COL6A3: variants seen among roughly 807,000 people sequenced by gnomAD.
COL6A3 encodes collagen type VI alpha 3 chain.
Under a neutral mutation model 274.1 loss-of-function variants are expected in COL6A3, and 137 were observed. The ratio of observed to expected loss-of-function variants is 0.50; its 90% confidence interval spans 0.44 to 0.58. The LOEUF is 0.58. Ranked by LOEUF, COL6A3 falls within the 20% of genes least tolerant of loss-of-function variation. COL6A3 has a pLI of 0.00. For synonymous variants in COL6A3, 1,650 were observed against 1,650.6 expected, an observed-to-expected ratio of 1.00 and a Z score of 0.01; for missense variants, 3,950 against 4,124.9, an observed-to-expected ratio of 0.96 and a Z score of 1.16.
intron 29 of COL6A3, 98 bp from the exon 30 acceptor site, chr2:237,348,482 A>T: frequency 7.4e-7 from 1 of 1,345,794 alleles, no homozygotes; most frequent in Non-Finnish European, 1.1e-6. Context: ...TGAGTCATCA[A>T]ACGAAAACAC....
chr2:237,376,990 C>T lies in COL6A3; in HGVS notation c.2852G>A (p.Arg951Lys), dbSNP rs747657767. Residue 951 changes from arginine (R) to lysine (K), a missense_variant, in exon 7 of 44, where the codon AGG (arginine) becomes AAG (lysine). By Grantham distance (26) the Arg-to-Lys change is conservative. Coordinates refer to ENST00000295550, the MANE Select transcript of COL6A3 (RefSeq NM_004369.4). ...TGGCCCATCCACACGGTCAGATGAC[C>T]TTCCTGCGACCAGCAGCACCAGGAA... ...LQFLVLLVAG[R>K]SSDRVDGPAS... 6.2e-7 allele frequency: 1 copy of T among 1,614,232 alleles called. No individual in the cohort carries two copies. Among genetic ancestry groups the T allele is most frequent in the Non-Finnish European group, 8.5e-7 (1 of 1,180,036 alleles).
At chr2:237,412,925 C>T (rs1254860273) in intron 1 of COL6A3, among the ~76,000 whole-genome samples, 2 of 152,152 alleles carry the variant, frequency 1.3e-5, no homozygotes, top group Admixed American at 6.5e-5. Flanking sequence ...GGGTCTGCAC[C>T]GGCCTCGAAA....
rs2106344018 is a variant in COL6A3, at chr2:237,361,590, C to T, written c.6156+149G>A. ...CCAGCAGAACAGCACGCAGGTCTGC[C>T]CCTCAGAGCTCCTCCTTCTAACATA... On this transcript the variant is annotated intron_variant, in intron 15 of 43. Coordinates refer to ENST00000295550, the MANE Select transcript of COL6A3 (RefSeq NM_004369.4). This position sits in a 1 kb window ranked among gnomAD's most constrained non-coding sequence, Gnocchi z 5.1. 1.2e-6 allele frequency: 1 copy of T among 806,710 alleles called. No homozygotes were observed. Among genetic ancestry groups the T allele is most frequent in the Non-Finnish European group, 2.1e-6 (1 of 465,806 alleles). 50.0% of individuals were successfully genotyped at this position (806,710 alleles called of 1,614,324 possible). A position where few individuals can be genotyped will look rare whatever the true frequency, so the allele number is the denominator to read the frequency against.
intron 20 of COL6A3, 117 bp from the exon 21 acceptor site, chr2:237,358,700 A>C: frequency 9.9e-7 from 1 of 1,010,124 alleles, no homozygotes; most frequent in Non-Finnish European, 1.6e-6. Context: ...CAATTTACTC[A>C]TTCACCATGA....
chr2:237,345,309 G>A (rs2077076070), intron 32 of COL6A3, 96 bp from the exon 33 acceptor site: 1 of 1,222,620 alleles, frequency 8.2e-7, no homozygotes, highest in African/African-American at 1.5e-5. Context: ...CAAGACAAAG[G>A]GGCCCCTGGA....
intron 1 of COL6A3, among the ~76,000 whole-genome samples, chr2:237,412,987 G>GTCCCTCCCTAA (rs2078893369): frequency 6.6e-6 from 1 of 152,138 alleles, no homozygotes; most frequent in Admixed American, 6.5e-5. Flanking sequence ...CCACTCCCTA[G>GTCCCTCCCTAA]TCCCTCCCAG....
intron 3 of COL6A3, among the ~76,000 whole-genome samples, chr2:237,394,272 C>T (rs749593053): frequency 6.6e-6 from 1 of 152,184 alleles, no homozygotes; most frequent in Admixed American, 6.5e-5. Context: ...AGATGCACAC[C>T]TCACCACTCT....
rs527860613 is a variant in COL6A3, at chr2:237,373,209, C to T, written c.3680-872G>A. On this transcript the variant is annotated intron_variant, in intron 8 of 43. Coordinates refer to ENST00000295550, the MANE Select transcript of COL6A3 (RefSeq NM_004369.4). ...GCGTTGTGGAAATGTACGTTCCTGA[C>T]AACAGAAGCTGCACCCGCACTGTGA... Among the ~76,000 whole-genome samples, 27 of 152,254 alleles carry T rather than the reference C, an allele frequency of 1.8e-4. No individual in the cohort carries two copies. The South Asian group carries it at 5.4e-3, about 30-fold the overall frequency.
chr2:237,332,067 C>CTCTCTCTATA (rs1700259953), intron 42 of COL6A3, among the ~76,000 whole-genome samples: 1 of 38,786 alleles, frequency 2.6e-5, no homozygotes, highest in South Asian at 1.3e-3. Context: ...CTCTCTCTCT[C>CTCTCTCTATA]TACATATATA....
chr2:237,329,911 G>A (rs887176627), intron 42 of COL6A3: 1 of 152,170 alleles, frequency 6.6e-6, no homozygotes, highest in Non-Finnish European at 1.5e-5. Context: ...TTCCTTCAGG[G>A]CTATACAATT....
At chr2:237,383,829 C>T (rs895960939) in intron 4 of COL6A3, among the ~76,000 whole-genome samples, 30 of 152,126 alleles carry the variant, frequency 2.0e-4, no homozygotes, top group African/African-American at 7.0e-4. Flanking sequence ...AAAGTTCTCC[C>T]GATGAGCCAG....
Position 237,407,587 on chromosome 2 carries a change from G to T in COL6A3, c.-31+6366C>A, listed in dbSNP as rs2078752616. Among the ~76,000 whole-genome samples the T allele has an allele frequency of 6.6e-6, 1 of 152,184 alleles. No homozygotes were observed. Among genetic ancestry groups the T allele is most frequent in the Non-Finnish European group, 1.5e-5 (1 of 68,036 alleles). ...CTTAGGCCAAGCTCCTCAGAGGTGG[G>T]TCTCCTTCCCATTACAAAGGCAATT... is the stretch of plus-strand genomic sequence containing the variant. On this transcript the variant is annotated intron_variant, in intron 1 of 43. Coordinates refer to ENST00000295550, the MANE Select transcript of COL6A3 (RefSeq NM_004369.4). This position sits in a 1 kb window ranked among gnomAD's most constrained non-coding sequence, Gnocchi z 4.3.
chr2:237,332,595 A>T (rs560017402), intron 42 of COL6A3, among the ~76,000 whole-genome samples: 1 of 152,306 alleles, frequency 6.6e-6, no homozygotes, highest in South Asian at 2.1e-4. Context: ...TCCTCCTGAC[A>T]GTAGACGATA....
chr2:237,376,352 A>G (rs2077839790), intron 7 of COL6A3, among the ~76,000 whole-genome samples: 1 of 152,246 alleles, frequency 6.6e-6, no homozygotes, highest in South Asian at 2.1e-4. Flanking sequence ...TTAATTTTTA[A>G]TGAATGTAAT....
intron 36 of COL6A3, chr2:237,343,005 C>T (rs1436176269): frequency 6.6e-6 from 1 of 152,164 alleles, no homozygotes; most frequent in Admixed American, 6.5e-5. Context: ...AATCATCCTG[C>T]CCCAGTCTCA....
chr2:237,374,572 T>C lies in COL6A3; in HGVS notation c.3519A>G (p.Thr1173=). The change falls in exon 8 of 44, where the codon ACA becomes ACG. Residue 1173 remains threonine, a synonymous_variant. Coordinates refer to ENST00000295550, the MANE Select transcript of COL6A3 (RefSeq NM_004369.4). This position sits in a 1 kb window ranked among gnomAD's most constrained non-coding sequence, Gnocchi z 4.8. ...IGIGIGNADI[T]EMQTISFIPD... The stretch of plus-strand genomic sequence containing the variant: ...GGATGAAGGAGATGGTCTGCATCTC[T>C]GTGATGTCAGCGTTCCCGATGCCAA... 6.2e-7 allele frequency: 1 copy of C among 1,614,230 alleles called. No individual in the cohort carries two copies. Among genetic ancestry groups the C allele is most frequent in the Non-Finnish European group, 8.5e-7 (1 of 1,180,046 alleles).
Position 237,396,767 on chromosome 2 carries a change from G to A in COL6A3, c.51C>T (p.Leu17=), listed in dbSNP as rs535176072. ...LPLVAVFCLF[L]SGFPTTHAQQ... is the part of the protein sequence containing the mutation. ...GGGCATGAGTTGTAGGAAAGCCTGA[G>A]AGAAAGAGGCAAAAGACGGCCACTA... The change falls in exon 2 of 44, where the codon CTC becomes CTT. Residue 17 remains leucine (L), a synonymous_variant. Coordinates refer to ENST00000295550, the MANE Select transcript of COL6A3 (RefSeq NM_004369.4). 6.2e-7 allele frequency: 1 copy of A among 1,614,188 alleles called. No homozygotes were observed. The highest frequency in any genetic ancestry group is 8.5e-7 in the Non-Finnish European group (1 of 1,180,030).
chr2:237,379,075 A>G lies in COL6A3; in HGVS notation c.2058T>C (p.Thr686=). The G allele has an allele frequency of 6.2e-7, 1 of 1,614,224 alleles. No homozygotes were observed. The highest frequency in any genetic ancestry group is 8.5e-7 in the Non-Finnish European group (1 of 1,180,040). ...TGTTTAAAGAGAACTCCGTTACAGG[A>G]GTGTCACTAAATTGCACTAAACCAA... The part of the protein sequence containing the change: ...IRVGLVQFSD[T]PVTEFSLNTY... The change falls in exon 6 of 44, where the codon ACT becomes ACC. Residue 686 remains threonine (T), a synonymous_variant. Coordinates refer to ENST00000295550, the MANE Select transcript of COL6A3 (RefSeq NM_004369.4).
chr2:237,347,792 C>T lies in COL6A3; in HGVS notation c.7029+15G>A. The T allele has an allele frequency of 6.2e-7, 1 of 1,606,772 alleles. No individual in the cohort carries two copies. The highest frequency in any genetic ancestry group is 8.5e-7 in the Non-Finnish European group (1 of 1,176,174). On this transcript the variant is annotated intron_variant, in intron 31 of 43. Coordinates refer to ENST00000295550, the MANE Select transcript of COL6A3 (RefSeq NM_004369.4). ...TCTCATTCCTCACCTGCAGCCAAGG[C>T]CCACGCAAACTTACCCTTCGGCCTC...
Sources: gnomAD v4.1 joint callset for allele counts (sites outside exome capture counted in the v4.1 genomes callset) on GRCh38, gnomAD v4.1.1 for gene constraint, Gnocchi (gnomAD v3.1) non-coding constraint, MANE v1.5 for transcripts, NCBI Gene and HGNC (gene_info 2026-07-23, HGNC 2026-07-21) for gene names.